The following SLC12A8 variants were observed in gnomAD, a reference collection of about 807,000 sequenced individuals.
SLC12A8 encodes the protein solute carrier family 12 member 8.
SLC12A8 carries 69 observed loss-of-function variants against 75.6 expected under a neutral mutation model. The observed-to-expected ratio is 0.91, with a 90% CI of 0.75 to 1.11. The LOEUF is 1.11. Among genes scored for constraint, SLC12A8 ranks in the 50% most tolerant of loss-of-function variants. The pLI is 0.00. For missense variants in SLC12A8, 877 were observed against 896.7 expected, an observed-to-expected ratio of 0.98 and a Z score of 0.28; for synonymous variants, 365 against 372.8, an observed-to-expected ratio of 0.98 and a Z score of 0.24.
rs200313431 is a variant in SLC12A8, at chr3:125,107,692, C to G, written c.1494G>C (p.Lys498Asn). 1.2e-3 allele frequency: 1,886 copies of G among 1,614,124 alleles called. 4 individuals carry two copies. Among genetic ancestry groups the G allele is most frequent in the Admixed American group, 1.6e-3 (96 of 60,024 alleles). ...SQKRKSKKAT[K>N]QTLQDSFLLD... ...AGAGGAAGCTATCTTGTAGGGTCTG[C>G]TTGGTGGCCTTCTTGCTTTTCCTCT... The change falls in exon 10 of 14, where the codon AAG (lysine) becomes AAC (asparagine). Residue 498 changes from lysine (K) to asparagine (N), a missense_variant. Coordinates refer to ENST00000469902, the MANE Select transcript of SLC12A8 (RefSeq NM_024628.6).
chr3:125,106,180 C>T (rs1651690125), intron 10 of SLC12A8, among the ~76,000 whole-genome samples: 2 of 152,038 alleles, frequency 1.3e-5, no homozygotes, highest in South Asian at 4.2e-4. Flanking sequence ...AGAGTAGGAA[C>T]TACTGTTTCT....
intron 5 of SLC12A8, among the ~76,000 whole-genome samples, chr3:125,139,778 C>T (rs888654918): frequency 1.6e-4 from 24 of 152,210 alleles, no homozygotes; most frequent in Admixed American, 1.3e-3. Context: ...CCATGCCCTC[C>T]GACAGTGGCT....
chr3:125,148,596 G>A (rs781179545), intron 5 of SLC12A8, among the ~76,000 whole-genome samples: 35 of 152,006 alleles, frequency 2.3e-4, no homozygotes, highest in Non-Finnish European at 4.9e-4. Flanking sequence ...CTCAGGAGGC[G>A]GCACTCTCCT....
chr3:125,150,083 G>A lies in SLC12A8; in HGVS notation c.623-14301C>T, dbSNP rs115195961. 4.1e-3 allele frequency among the ~76,000 whole-genome samples: 619 copies of A among 152,282 alleles called. 4 individuals are homozygous for A. The highest frequency in any genetic ancestry group is 0.014 in the African/African-American group (595 of 41,548). On this transcript the variant is annotated intron_variant, in intron 5 of 13. Transcript: ENST00000469902. ...CACTTATTTACATACAATTTTGCAT[G>A]CAACTTCAGGGGCTCAAGGACTCTA...
intron 5 of SLC12A8, among the ~76,000 whole-genome samples, chr3:125,165,724 G>A (rs1419263145): frequency 1.3e-5 from 2 of 152,162 alleles, no homozygotes; most frequent in East Asian, 1.9e-4. Flanking sequence ...CAGTGTGTTC[G>A]TTCTTTGCAC....
At chr3:125,210,633 C>T (rs1935318534) in intron 2 of SLC12A8, among the ~76,000 whole-genome samples, 2 of 152,174 alleles carry the variant, frequency 1.3e-5, no homozygotes, top group African/African-American at 4.8e-5. Context: ...CTGGGAAACC[C>T]TCCTGCCACT....
intron 5 of SLC12A8, among the ~76,000 whole-genome samples, chr3:125,153,262 T>G (rs1933974565): frequency 6.6e-6 from 1 of 152,114 alleles, no homozygotes; most frequent in Admixed American, 6.5e-5. Context: ...GGCAATAATA[T>G]GGGATTCCTG....
intron 4 of SLC12A8, among the ~76,000 whole-genome samples, chr3:125,179,851 A>G (rs546337510): frequency 6.6e-6 from 1 of 152,338 alleles, no homozygotes; most frequent in African/African-American, 2.4e-5. Context: ...GTATTTGGCC[A>G]GGTCAACAGG....
intron 10 of SLC12A8, among the ~76,000 whole-genome samples, chr3:125,107,189 T>C (rs1261891160): frequency 1.3e-5 from 2 of 152,230 alleles, no homozygotes; most frequent in African/African-American, 2.4e-5. Flanking sequence ...TGAGGCTTTA[T>C]ACTTCTGTTC....
Position 125,094,273 on chromosome 3 carries a change from A to G in SLC12A8, c.1706-2075T>C, listed in dbSNP as rs1031305568. Among the ~76,000 whole-genome samples the G allele has an allele frequency of 7.2e-5, 11 of 152,206 alleles. 1 individual carries two copies. The highest frequency in any genetic ancestry group is 4.2e-4 in the South Asian group (2 of 4,810). On this transcript the variant is annotated intron_variant, in intron 10 of 13. Transcript: ENST00000469902. ...TTGCCTTAGTATGTTTTTGATTTCC[A>G]TCACCTACCTCCCGCTTTCCCTAAC...
intron 5 of SLC12A8, among the ~76,000 whole-genome samples, chr3:125,141,054 C>T (rs758822186): frequency 6.6e-6 from 1 of 151,982 alleles, no homozygotes; most frequent in East Asian, 1.9e-4. Flanking sequence ...GCAGCTGCTG[C>T]GTGTGAATGG....
chr3:125,084,361 G>A (rs1166304819), intron 13 of SLC12A8, among the ~76,000 whole-genome samples: 2 of 151,998 alleles, frequency 1.3e-5, no homozygotes, highest in African/African-American at 2.4e-5. Context: ...ATGGTATCAT[G>A]TTGGGGCTCT....
chr3:125,131,370 A>G (rs1933351806), intron 6 of SLC12A8, among the ~76,000 whole-genome samples: 1 of 152,122 alleles, frequency 6.6e-6, no homozygotes, highest in Admixed American at 6.5e-5. Flanking sequence ...ACAAATGCAG[A>G]ATCAAAAATT....
At chr3:125,115,647 G>A (rs1353418450) in intron 8 of SLC12A8, among the ~76,000 whole-genome samples, 1 of 152,122 alleles carries the variant, frequency 6.6e-6, no homozygotes, top group Non-Finnish European at 1.5e-5. Flanking sequence ...CAGATTAACT[G>A]ACCAGCTGCA....
At chr3:125,144,228 T>C (rs1291480938) in intron 5 of SLC12A8, among the ~76,000 whole-genome samples, 1 of 152,166 alleles carries the variant, frequency 6.6e-6, no homozygotes, top group African/African-American at 2.4e-5. Context: ...TACCACTCAT[T>C]CCAAGTGCTT....
At chr3:125,136,975 C>T (rs996334025) in intron 5 of SLC12A8, among the ~76,000 whole-genome samples, 6 of 152,154 alleles carry the variant, frequency 3.9e-5, no homozygotes, top group Non-Finnish European at 1.5e-5. Flanking sequence ...AACTGTCGTC[C>T]AAGAGAAGCC....
In SLC12A8 at chr3:125,177,743, C is replaced by G. The variant is rs199818259; in HGVS notation, c.622G>C (p.Glu208Gln). 6.2e-7 allele frequency: 1 copy of G among 1,613,592 alleles called. No individual in the cohort carries two copies. The highest frequency in any genetic ancestry group is 1.3e-5 in the African/African-American group (1 of 75,006). Residue 208 changes from glutamate to glutamine, a missense_variant and splice_region_variant, in exon 5 of 14, where the codon GAA (glutamate) becomes CAA (glutamine). Transcript: ENST00000469902. ...VVGSFTHLDP[E>Q]HGFIGYSPEL... ...ACATACTGGACTCTGAAAGGCTTACCTGGGTCCAGGTGGGTGAAAGAACCC... is the reference window on the plus strand; with the variant it reads ...ACATACTGGACTCTGAAAGGCTTACGTGGGTCCAGGTGGGTGAAAGAACCC...
intron 13 of SLC12A8, among the ~76,000 whole-genome samples, chr3:125,085,991 G>A (rs952342808): frequency 3.3e-5 from 5 of 150,626 alleles, no homozygotes; most frequent in African/African-American, 9.8e-5. Flanking sequence ...TGAAACCTCC[G>A]CCTCCCGGGT....
chr3:125,170,732 G>A (rs1235316737), intron 5 of SLC12A8, among the ~76,000 whole-genome samples: 1 of 152,114 alleles, frequency 6.6e-6, no homozygotes, highest in Admixed American at 6.5e-5. Flanking sequence ...GGCTAACACG[G>A]TGAAATCCCG....
Sources: gnomAD v4.1 joint callset for allele counts (sites outside exome capture counted in the v4.1 genomes callset) on GRCh38, gnomAD v4.1.1 for gene constraint, MANE v1.5 for transcripts, NCBI Gene and HGNC (gene_info 2026-07-23, HGNC 2026-07-21) for gene names.